HSDL2: variants seen among roughly 807,000 people sequenced by gnomAD.
HSDL2 encodes the protein hydroxysteroid dehydrogenase like 2.
HSDL2 carries 27 observed loss-of-function variants against 46.3 expected under a neutral mutation model. The observed-to-expected ratio is 0.58, with a 90% CI of 0.43 to 0.80. The LOEUF is 0.80. Ranked by LOEUF, HSDL2 falls within the 30% of genes least tolerant of loss-of-function variation. The probability of loss-of-function intolerance (pLI) is 0.00; values close to 1 mark genes in which losing one functional copy is unlikely to be tolerated. For synonymous variants in HSDL2, 153 were observed against 163.6 expected (o/e 0.94, Z 0.50); for missense variants, 451 against 502.7 (o/e 0.90, Z 0.98).
chr9:112,408,877 T>A (rs767412357), intron 3 of HSDL2, 30 bp from the exon 4 acceptor site: 2 of 1,234,816 alleles, frequency 1.6e-6, no homozygotes, highest in East Asian at 2.4e-5. Flanking sequence ...AAGTCTTTCA[T>A]TAAAATGAAA....
intron 1 of HSDL2, among the ~76,000 whole-genome samples, chr9:112,400,920 A>C (rs1385041751): frequency 1.3e-5 from 2 of 152,242 alleles, no homozygotes; most frequent in African/African-American, 4.8e-5. Flanking sequence ...CTCCAATATG[A>C]CTTCATGTTA....
chr9:112,440,750 C>T (rs1193960818), intron 7 of HSDL2, among the ~76,000 whole-genome samples: 2 of 151,988 alleles, frequency 1.3e-5, no homozygotes, highest in Admixed American at 1.3e-4. Flanking sequence ...GGCTCACGCC[C>T]ATAATCCCAG....
chr9:112,411,214 A>G (rs948184853), intron 4 of HSDL2, among the ~76,000 whole-genome samples: 2 of 152,142 alleles, frequency 1.3e-5, no homozygotes, highest in East Asian at 3.9e-4. Flanking sequence ...TCATAACCAC[A>G]TCTCTCTCTG....
intron 4 of HSDL2, among the ~76,000 whole-genome samples, chr9:112,416,493 C>T (rs984736273): frequency 1.9e-4 from 28 of 151,196 alleles, no homozygotes; most frequent in East Asian, 2.0e-4. Context: ...ACCTGTAAAC[C>T]TATAATCCTG....
rs548202903 is a variant in HSDL2, at chr9:112,439,459, G to A, written c.793+834G>A. On this transcript the variant is annotated intron_variant, in intron 7 of 10. Coordinates refer to ENST00000398805, the MANE Select transcript of HSDL2 (RefSeq NM_032303.5). ...AAGTGATCTGAGAAGCTTCTAGAAA[G>A]CCCTCTTGTTAAGTAACTCTCCCTC... Among the ~76,000 whole-genome samples, 8 of 152,270 alleles carry A rather than the reference G, an allele frequency of 5.3e-5. No individual in the cohort carries two copies. In the East Asian group the frequency reaches 1.5e-3, roughly 29 times the overall value.
chr9:112,447,719 A>G (rs1463609926), intron 8 of HSDL2, among the ~76,000 whole-genome samples: 1 of 152,196 alleles, frequency 6.6e-6, no homozygotes, highest in Admixed American at 6.5e-5. Flanking sequence ...CTAAACATAG[A>G]AGGAAATGTG....
intron 6 of HSDL2, among the ~76,000 whole-genome samples, chr9:112,429,231 ACATT>A (rs1832326969): frequency 6.6e-6 from 1 of 152,126 alleles, no homozygotes; most frequent in Non-Finnish European, 1.5e-5. Flanking sequence ...CATTTTCCAA[ACATT>A]CATTCTTACA....
At chr9:112,396,811 C>CAA (rs1482027827) in intron 1 of HSDL2, among the ~76,000 whole-genome samples, 4 of 152,232 alleles carry the variant, frequency 2.6e-5, no homozygotes, top group South Asian at 4.2e-4. Context: ...TGGAGGTAGA[C>CAA]AAGTGTACTG....
intron 6 of HSDL2, among the ~76,000 whole-genome samples, chr9:112,425,993 G>C (rs1411824761): frequency 6.6e-6 from 1 of 152,068 alleles, no homozygotes; most frequent in Non-Finnish European, 1.5e-5. Context: ...CTTGCACCTC[G>C]GCCTCCCAAA....
chr9:112,381,461 C>A (rs1239546272), intron 1 of HSDL2, among the ~76,000 whole-genome samples: 1 of 152,274 alleles, frequency 6.6e-6, no homozygotes, highest in East Asian at 1.9e-4. Flanking sequence ...TCCCGCAATT[C>A]TCCTGCCTCA....
intron 1 of HSDL2, among the ~76,000 whole-genome samples, chr9:112,400,137 A>G (rs1243214140): frequency 6.6e-6 from 1 of 152,226 alleles, no homozygotes; most frequent in Non-Finnish European, 1.5e-5. Context: ...TTAACATGGG[A>G]ACAAAAATAT....
At chr9:112,466,595 T>C (rs2132717766) in intron 10 of HSDL2, among the ~76,000 whole-genome samples, 1 of 152,150 alleles carries the variant, frequency 6.6e-6, no homozygotes, top group Middle Eastern at 3.4e-3. Context: ...TTATGTTTCA[T>C]CAGATACATG....
At chr9:112,419,858 T>C (rs1439857827) in intron 6 of HSDL2, among the ~76,000 whole-genome samples, 1 of 152,038 alleles carries the variant, frequency 6.6e-6, no homozygotes, top group Non-Finnish European at 1.5e-5. Context: ...CAATAAGATA[T>C]ATAAAAATGA....
At chr9:112,441,422 A>G (rs1022767551) in intron 7 of HSDL2, among the ~76,000 whole-genome samples, 2 of 152,170 alleles carry the variant, frequency 1.3e-5, no homozygotes, top group Non-Finnish European at 2.9e-5. Context: ...TAGGATGAGA[A>G]GGGCAGAGGT....
At position 112,404,169 on chromosome 9, in the gene HSDL2, C is replaced by G; in HGVS notation, c.181+11C>G. The G allele has an allele frequency of 6.2e-7, 1 of 1,610,504 alleles. No individual in the cohort carries two copies. ...CTGCTGCTGAAGAAAGTGAGTGTGA[C>G]AGTGCCATTTGATAAAATGTCTTTC... is the stretch of plus-strand genomic sequence containing the variant. On this transcript the variant is annotated intron_variant, in intron 2 of 10. Coordinates refer to ENST00000398805, the MANE Select transcript of HSDL2 (RefSeq NM_032303.5).
intron 4 of HSDL2, among the ~76,000 whole-genome samples, chr9:112,411,697 C>T (rs373428444): frequency 2.0e-5 from 3 of 151,902 alleles, no homozygotes; most frequent in African/African-American, 4.8e-5. Flanking sequence ...ACTATTATGG[C>T]AAGCATATAG....
intron 6 of HSDL2, among the ~76,000 whole-genome samples, chr9:112,436,181 C>T (rs1404929006): frequency 7.1e-6 from 1 of 140,908 alleles, no homozygotes; most frequent in Non-Finnish European, 1.5e-5. Context: ...GAGATCAAGG[C>T]TGCAGAGAGC....
At chr9:112,420,522 C>T (rs777363538) in intron 6 of HSDL2, among the ~76,000 whole-genome samples, 38 of 150,616 alleles carry the variant, frequency 2.5e-4, no homozygotes, top group Admixed American at 9.3e-4. Context: ...AAAAAACACA[C>T]ACAAAAAAAA....
chr9:112,430,580 C>T (rs981869484), intron 6 of HSDL2, among the ~76,000 whole-genome samples: 11 of 152,046 alleles, frequency 7.2e-5, no homozygotes, highest in Non-Finnish European at 1.0e-4. Context: ...AAGGGGGGAA[C>T]AGTTAGGAGG....
Sources: gnomAD v4.1 joint callset for allele counts (sites outside exome capture counted in the v4.1 genomes callset) on GRCh38, gnomAD v4.1.1 for gene constraint, MANE v1.5 for transcripts, NCBI Gene and HGNC (gene_info 2026-07-23, HGNC 2026-07-21) for gene names.